Variants in MEIKIN observed in about 807,000 individuals in gnomAD.
MEIKIN encodes meiosis-specific kinetochore protein.
At chr5:131,894,710 T>G (rs1751003372) in intron 8 of MEIKIN, among the ~76,000 whole-genome samples, 1 of 152,202 alleles carries the variant, frequency 6.6e-6, no homozygotes, top group Admixed American at 6.5e-5. Flanking sequence ...TGTCTGTTAT[T>G]GGTGTATAGG....
At chr5:131,938,476 C>A (rs1276950357) in intron 4 of MEIKIN, among the ~76,000 whole-genome samples, 1 of 152,062 alleles carries the variant, frequency 6.6e-6, no homozygotes, top group African/African-American at 2.4e-5. Flanking sequence ...CCAAAACTCA[C>A]CCTTTTAAAG....
At chr5:131,824,651 T>C (rs1749580151) in intron 11 of MEIKIN, among the ~76,000 whole-genome samples, 1 of 152,050 alleles carries the variant, frequency 6.6e-6, no homozygotes, top group Non-Finnish European at 1.5e-5. Context: ...AGAAGCAGAA[T>C]AGATAGATAA....
chr5:131,875,001 A>T (rs950133124), intron 9 of MEIKIN, among the ~76,000 whole-genome samples: 1 of 151,620 alleles, frequency 6.6e-6, no homozygotes, highest in Non-Finnish European at 1.5e-5. Flanking sequence ...TCTCAAAATA[A>T]TAAGAGCTAT....
chr5:131,920,112 A>C (rs1751480340), intron 6 of MEIKIN, among the ~76,000 whole-genome samples: 1 of 152,230 alleles, frequency 6.6e-6, no homozygotes, highest in South Asian at 2.1e-4. Flanking sequence ...TTATTTACTA[A>C]ATGTGTTTCT....
chr5:131,857,847 G>A (rs1467093837), intron 9 of MEIKIN, among the ~76,000 whole-genome samples: 2 of 152,190 alleles, frequency 1.3e-5, no homozygotes, highest in African/African-American at 4.8e-5. Context: ...CACTGCTGGT[G>A]TGAGCACACC....
At chr5:131,899,539 A>AT (rs1751118432) in intron 8 of MEIKIN, among the ~76,000 whole-genome samples, 1 of 145,956 alleles carries the variant, frequency 6.9e-6, no homozygotes, top group Non-Finnish European at 1.5e-5. Flanking sequence ...GGTTGAATGG[A>AT]TTTAAAAAAA....
intron 11 of MEIKIN, among the ~76,000 whole-genome samples, chr5:131,834,370 T>C (rs545763160): frequency 3.1e-4 from 47 of 152,322 alleles, no homozygotes; most frequent in Middle Eastern, 3.4e-3. Flanking sequence ...GTTCTCTTAT[T>C]ATATTTCAAG....
chr5:131,876,004 T>C (rs974382014), intron 9 of MEIKIN, among the ~76,000 whole-genome samples: 3 of 152,152 alleles, frequency 2.0e-5, no homozygotes, highest in African/African-American at 7.2e-5. Context: ...TCAAGATGGA[T>C]TAAAGACTTA....
intron 11 of MEIKIN, among the ~76,000 whole-genome samples, chr5:131,832,325 T>C (rs1223744661): frequency 6.6e-6 from 1 of 152,152 alleles, no homozygotes; most frequent in Non-Finnish European, 1.5e-5. Flanking sequence ...TGATATTTTT[T>C]TTGACTCCAG....
At position 131,919,520 on chromosome 5, in the gene MEIKIN, C is replaced by A. The variant is rs977739668; in HGVS notation, c.598+2302G>T. Among the ~76,000 whole-genome samples, 4 of 152,040 alleles carry A rather than the reference C, an allele frequency of 2.6e-5. No individual in the cohort carries two copies. The South Asian group carries it at 8.3e-4, about 32-fold the overall frequency. ...TATTTTTGAATCAACAAAAGTACAT[C>A]CACAGAGTGGAGTACTATGCAGCTG... On this transcript the variant is annotated intron_variant, in intron 6 of 12. Coordinates refer to ENST00000442687, the MANE Select transcript of MEIKIN (RefSeq NM_001303622.2).
chr5:131,897,756 C>T (rs1045539661), intron 8 of MEIKIN, among the ~76,000 whole-genome samples: 3 of 152,154 alleles, frequency 2.0e-5, no homozygotes, highest in African/African-American at 7.2e-5. Context: ...TTTAGGTCCT[C>T]TCTACACTGT....
chr5:131,824,053 A>G (rs962952258), intron 11 of MEIKIN, among the ~76,000 whole-genome samples: 1 of 152,156 alleles, frequency 6.6e-6, no homozygotes, highest in Non-Finnish European at 1.5e-5. Flanking sequence ...CCTGGAACTG[A>G]GGGTATGGTG....
At chr5:131,848,151 A>G (rs546999117) in intron 11 of MEIKIN, among the ~76,000 whole-genome samples, 3 of 152,278 alleles carry the variant, frequency 2.0e-5, no homozygotes, top group African/African-American at 7.2e-5. Flanking sequence ...ACCCAAAGCT[A>G]GCAGAAGGAT....
At chr5:131,932,638 G>T (rs1751708962) in intron 5 of MEIKIN, among the ~76,000 whole-genome samples, 1 of 152,182 alleles carries the variant, frequency 6.6e-6, no homozygotes, top group African/African-American at 2.4e-5. Context: ...ATACTACAGA[G>T]AAACGAATAA....
chr5:131,934,912 T>A (rs1005234762), intron 4 of MEIKIN, among the ~76,000 whole-genome samples: 2 of 151,798 alleles, frequency 1.3e-5, no homozygotes, highest in Non-Finnish European at 2.9e-5. Flanking sequence ...AAAAATTAGC[T>A]GGGCGTGGCA....
chr5:131,940,811 G>T (rs1751856415), intron 4 of MEIKIN, among the ~76,000 whole-genome samples: 1 of 152,154 alleles, frequency 6.6e-6, no homozygotes, highest in South Asian at 2.1e-4. Flanking sequence ...AAGTCTCACG[G>T]TTCAGAGAGC....
intron 11 of MEIKIN, among the ~76,000 whole-genome samples, chr5:131,849,756 C>G (rs1750079848): frequency 6.6e-6 from 1 of 151,644 alleles, no homozygotes; most frequent in Non-Finnish European, 1.5e-5. Context: ...GAAAGCTTTT[C>G]CTCTAAGATG....
At chr5:131,889,063 G>C (rs912987718) in intron 8 of MEIKIN, among the ~76,000 whole-genome samples, 2 of 152,080 alleles carry the variant, frequency 1.3e-5, no homozygotes, top group African/African-American at 4.8e-5. Flanking sequence ...CTGTTCCATT[G>C]GTCTATATCT....
At chr5:131,844,135 T>C (rs1361670861) in intron 11 of MEIKIN, among the ~76,000 whole-genome samples, 3 of 152,020 alleles carry the variant, frequency 2.0e-5, no homozygotes, top group African/African-American at 7.3e-5. Context: ...GAGCATTCAC[T>C]CACTGTCACA....
Sources: allele counts gnomAD v4.1 joint callset (sites outside exome capture counted in the v4.1 genomes callset), GRCh38; gene constraint gnomAD v4.1.1; transcripts MANE v1.5; gene names NCBI Gene and HGNC (gene_info 2026-07-23, HGNC 2026-07-21).